The following GALNT13 variants were observed in gnomAD, a reference collection of about 807,000 sequenced individuals.
GALNT13 encodes UDP-GalNAc:polypeptide N-acetylgalactosaminyltransferase 13.
GALNT13 carries 28 observed loss-of-function variants against 64.2 expected under a neutral mutation model. That is an observed-to-expected ratio of 0.44 (90% CI 0.32 to 0.60). The LOEUF (loss-of-function observed/expected upper bound fraction) is 0.60. Ranked by LOEUF, GALNT13 falls within the 20% of genes least tolerant of loss-of-function variation. GALNT13 has a pLI of 0.05. For synonymous variants in GALNT13, 214 were observed against 224.6 expected, an observed-to-expected ratio of 0.95 and a Z score of 0.42; for missense variants, 577 against 669.8, an observed-to-expected ratio of 0.86 and a Z score of 1.53.
rs113064873 is a variant in GALNT13 at position 154,087,001 on chromosome 2, G to A, written c.143-53336G>A. 6.6e-5 allele frequency among the ~76,000 whole-genome samples: 10 copies of A among 152,074 alleles called. 1 individual carries two copies. Among genetic ancestry groups the A allele is most frequent in the African/African-American group, 9.6e-5 (4 of 41,512 alleles). ...GCTATTGTATCGAGTGTTTGCAAGC[G>A]TGAATTCAGAATCTTGGTAGGAAAA... On this transcript the variant is annotated intron_variant, in intron 3 of 12. Transcript: ENST00000392825.
intron 4 of GALNT13, among the ~76,000 whole-genome samples, chr2:154,218,922 A>T (rs1688184854): frequency 6.6e-6 from 1 of 151,998 alleles, no homozygotes; most frequent in Admixed American, 6.6e-5. Flanking sequence ...TCTTGCATCT[A>T]ACCAAGTCAG....
chr2:153,380,839 G>A, the GALNT13 span, among the ~76,000 whole-genome samples: 4 of 152,074 alleles, frequency 2.6e-5, no homozygotes, highest in African/African-American at 9.7e-5. Context: ...TAAAATTTAT[G>A]TCAGGCTTAA....
the GALNT13 span, among the ~76,000 whole-genome samples, chr2:153,775,107 C>CT: frequency 6.6e-6 from 1 of 151,888 alleles, no homozygotes; most frequent in African/African-American, 2.4e-5. Flanking sequence ...GCAAATTTTC[C>CT]TTTTTTAAGA....
the GALNT13 span, among the ~76,000 whole-genome samples, chr2:153,271,793 G>T: frequency 2.0e-5 from 3 of 152,148 alleles, no homozygotes; most frequent in Admixed American, 2.0e-4. Flanking sequence ...AACCAAAAAA[G>T]AGTCTGTATA....
intron 8 of GALNT13, among the ~76,000 whole-genome samples, chr2:154,263,860 G>T (rs984503609): frequency 1.3e-5 from 2 of 152,128 alleles, no homozygotes; most frequent in African/African-American, 2.4e-5. Flanking sequence ...ATTAAAAAAT[G>T]GACAAAAATA....
chr2:153,294,937 C>G, the GALNT13 span, among the ~76,000 whole-genome samples: 1 of 152,106 alleles, frequency 6.6e-6, no homozygotes, highest in Non-Finnish European at 1.5e-5. Flanking sequence ...AAAAGAATAT[C>G]AAAGATCTTA....
the GALNT13 span, among the ~76,000 whole-genome samples, chr2:153,789,447 T>C: frequency 6.6e-6 from 1 of 152,150 alleles, no homozygotes; most frequent in African/African-American, 2.4e-5. Flanking sequence ...AAGGCAGTAT[T>C]ACTAGGGAAA....
At chr2:153,478,879 T>C in the GALNT13 span, 3 of 341,758 alleles carry the variant, frequency 8.8e-6, no homozygotes, top group East Asian at 1.4e-4. Context: ...CCGCGGCGGC[T>C]GCAGCGGCGG....
rs532877709 is a variant in GALNT13, at chr2:153,894,440, A to G, written c.-176-6496A>G. Among the ~76,000 whole-genome samples the G allele has an allele frequency of 3.3e-5, 5 of 152,196 alleles. No homozygotes were observed. The South Asian group carries it at 1.0e-3, about 32-fold the overall frequency. ...ATGTTTAAATATTGGTTGTGTACAAATCAGGGGATTCTGATTTGTCATGCC... is the reference window on the plus strand; with the variant it reads ...ATGTTTAAATATTGGTTGTGTACAAGTCAGGGGATTCTGATTTGTCATGCC... On this transcript the variant is annotated intron_variant, in intron 1 of 12. Transcript: ENST00000392825.
the GALNT13 span, among the ~76,000 whole-genome samples, chr2:153,216,335 A>G: frequency 3.3e-5 from 5 of 152,010 alleles, no homozygotes; most frequent in African/African-American, 9.7e-5. Flanking sequence ...TATGAGTAGG[A>G]TTGCTGGGTC....
At chr2:153,232,702 T>G in the GALNT13 span, among the ~76,000 whole-genome samples, 3 of 152,332 alleles carry the variant, frequency 2.0e-5, no homozygotes, top group African/African-American at 7.2e-5. Flanking sequence ...TCTCAATATT[T>G]GGAATGTGGC....
At chr2:153,422,128 G>A in the GALNT13 span, among the ~76,000 whole-genome samples, 9 of 152,104 alleles carry the variant, frequency 5.9e-5, no homozygotes, top group African/African-American at 1.4e-4. Flanking sequence ...ATGGAAATTC[G>A]AAAATATTTC....
the GALNT13 span, among the ~76,000 whole-genome samples, chr2:153,344,759 A>G: frequency 6.6e-6 from 1 of 152,360 alleles, no homozygotes; most frequent in East Asian, 1.9e-4. Flanking sequence ...CTTACCATAC[A>G]CAAAACATGG....
chr2:153,500,712 GAAGAGGATCAAAC>G, the GALNT13 span, among the ~76,000 whole-genome samples: 87,265 of 151,668 alleles, frequency 0.58, 28,004 homozygotes, highest in African/African-American at 0.85. Flanking sequence ...ACTATCTTTA[GAAGAGGATCAAAC>G]AAGAGGATCA....
rs1209367878 is a variant in GALNT13 at position 154,396,086 on chromosome 2, T to C, written c.1252T>C (p.Tyr418His). The change falls in exon 10 of 13, where the codon TAT becomes CAT. Residue 418 changes from tyrosine to histidine, a missense_variant. Tyr to His is a moderately conservative substitution (Grantham distance 83, BLOSUM62 2). Coordinates refer to ENST00000392825, the MANE Select transcript of GALNT13 (RefSeq NM_052917.4). ...KPFSWYLENI[Y>H]PDSQIPRRYY... The stretch of plus-strand genomic sequence containing the variant: ...CTTTTCTTGGTACCTAGAAAACATC[T>C]ATCCGGACTCCCAGATCCCAAGACG... 1.2e-6 allele frequency: 2 copies of C among 1,609,992 alleles called. No individual in the cohort carries two copies. The highest frequency in any genetic ancestry group is 1.1e-5 in the South Asian group (1 of 90,522).
intron 3 of GALNT13, among the ~76,000 whole-genome samples, chr2:154,001,112 C>G (rs1695874813): frequency 6.6e-6 from 1 of 151,818 alleles, no homozygotes; most frequent in Admixed American, 6.6e-5. Context: ...TACTTACACT[C>G]TTTTTTTAGT....
the GALNT13 span, among the ~76,000 whole-genome samples, chr2:153,575,396 G>A: frequency 7.2e-5 from 11 of 152,288 alleles, no homozygotes; most frequent in East Asian, 5.8e-4. Context: ...TGCTCAGGGC[G>A]TTGGAGCTCT....
the GALNT13 span, among the ~76,000 whole-genome samples, chr2:153,720,687 G>A: frequency 3.3e-5 from 5 of 151,160 alleles, no homozygotes; most frequent in African/African-American, 7.3e-5. Context: ...GAGCCGATGC[G>A]ATCAACTGGA....
the GALNT13 span, among the ~76,000 whole-genome samples, chr2:153,723,283 A>G: frequency 2.7e-5 from 4 of 150,336 alleles, no homozygotes; most frequent in Non-Finnish European, 4.4e-5. Flanking sequence ...TCAATAAATT[A>G]GGTATTGATG....
Sources: gnomAD v4.1 joint callset for allele counts (sites outside exome capture counted in the v4.1 genomes callset) on GRCh38, gnomAD v4.1.1 for gene constraint, MANE v1.5 for transcripts, NCBI Gene and HGNC (gene_info 2026-07-23, HGNC 2026-07-21) for gene names.